Variants in OGDH observed in about 807,000 individuals in gnomAD.
OGDH encodes 2-oxoglutarate dehydrogenase complex component E1.
OGDH carries 38 observed loss-of-function variants against 116.6 expected under a neutral mutation model. The ratio of observed to expected loss-of-function variants is 0.33; its 90% CI spans 0.25 to 0.43. The LOEUF is 0.43. Among genes scored for constraint, OGDH ranks in the 20% least tolerant of loss-of-function variants. The pLI, the probability that OGDH is intolerant of heterozygous loss-of-function variation, is 1.00. For missense variants in OGDH, 825 were observed against 1,357.2 expected (o/e 0.61, Z 6.16); for synonymous variants, 488 against 533.3 (o/e 0.92, Z 1.17).
chr7:44,622,081 A>C (rs1394614220), intron 1 of OGDH, among the ~76,000 whole-genome samples: 1 of 152,202 alleles, frequency 6.6e-6, no homozygotes, highest in Non-Finnish European at 1.5e-5. Context: ...CTGAATACTG[A>C]TAGTTAATGA....
chr7:44,708,236 G>T lies in OGDH; in HGVS notation c.*237G>T, dbSNP rs958319364. 8 of 506,994 alleles carry T rather than the reference G, an allele frequency of 1.6e-5. No homozygotes were observed. Among genetic ancestry groups the T allele is most frequent in the Admixed American group, 1.1e-4 (3 of 26,612 alleles). The allele number at this position is 506,994 out of a possible 1,614,324, so 31.4% of individuals were successfully genotyped here. A position where few individuals can be genotyped will look rare whatever the true frequency, so the allele number is the denominator to read the frequency against. On this transcript the variant is annotated 3_prime_UTR_variant, in exon 23 of 23. Transcript: ENST00000222673. ...TTCTGAGCAGTTTTCCAGGAGGCCG[G>T]GGGGAGCAGGAGGAGGAAAGGTAGC...
intron 12 of OGDH, among the ~76,000 whole-genome samples, chr7:44,695,092 T>G (rs564555991): frequency 1.4e-4 from 22 of 152,096 alleles, no homozygotes; most frequent in South Asian, 4.2e-4. Context: ...ACCAGTTTTT[T>G]TTTTGTTTTG....
intron 1 of OGDH, among the ~76,000 whole-genome samples, chr7:44,608,355 C>T (rs1386478391): frequency 6.6e-6 from 1 of 151,764 alleles, no homozygotes; most frequent in East Asian, 1.9e-4. Flanking sequence ...CTGCAGTGAG[C>T]CATTATTGCC....
At chr7:44,643,833 T>C (rs1786054714) in intron 2 of OGDH, among the ~76,000 whole-genome samples, 1 of 152,228 alleles carries the variant, frequency 6.6e-6, no homozygotes, top group Non-Finnish European at 1.5e-5. Flanking sequence ...GACAGTCTTA[T>C]CAGAGTTTAT....
rs1183571916 is a variant in OGDH at position 44,616,777 on chromosome 7, G to GTATATATACACA, written c.-27-7535_-27-7534insATACACATATAT. 2.9e-5 allele frequency among the ~76,000 whole-genome samples: 4 copies of GTATATATACACA among 136,840 alleles called. No homozygotes were observed. In the East Asian group the frequency reaches 6.6e-4, roughly 23 times the overall value. The allele number at this position is 136,840 out of a possible 152,430, so 89.8% of individuals were successfully genotyped here. A position where few individuals can be genotyped will look rare whatever the true frequency, so the allele number is the denominator to read the frequency against. On this transcript the variant is annotated intron_variant, in intron 1 of 22. Transcript: ENST00000222673. Reference sequence around the variant, plus strand: ...TGTGTATATATATACACGTATATGTGTATATGCATATATATATGTGTATAT... The same window carrying GTATATATACACA: ...TGTGTATATATATACACGTATATGTGTATATATACACATATATGCATATATATATGTGTATAT...
At position 44,681,827 on chromosome 7, in the gene OGDH, G is replaced by C. The variant is rs761767657; in HGVS notation, c.1314G>C (p.Val438=). ...CATCCTACACAACTCATGGCACCGT[G>C]CACGTGGTCGTCAACAACCAGGTAC... ...DLPSYTTHGT[V]HVVVNNQIGF... The change falls in exon 10 of 23, where the codon GTG becomes GTC. Residue 438 remains valine (V), a synonymous_variant. Transcript: ENST00000222673. 3 of 1,614,058 alleles carry C rather than the reference G, an allele frequency of 1.9e-6. No individual in the cohort carries two copies. The highest frequency in any genetic ancestry group is 2.5e-6 in the Non-Finnish European group (3 of 1,180,042).
chr7:44,662,236 T>G (rs573488455), intron 4 of OGDH, among the ~76,000 whole-genome samples: 3 of 152,220 alleles, frequency 2.0e-5, no homozygotes, highest in African/African-American at 7.2e-5. Context: ...GTTCCAAGAT[T>G]CCTTCTTTTA....
chr7:44,634,952 A>C (rs1785599103), intron 2 of OGDH, among the ~76,000 whole-genome samples: 1 of 152,208 alleles, frequency 6.6e-6, no homozygotes, highest in African/African-American at 2.4e-5. Context: ...TTGGACATAC[A>C]GGGTAGTCAC....
At chr7:44,660,466 G>T (rs1786886681) in intron 4 of OGDH, among the ~76,000 whole-genome samples, 2 of 152,108 alleles carry the variant, frequency 1.3e-5, no homozygotes, top group South Asian at 2.1e-4. Flanking sequence ...TTGCTTTCTA[G>T]TTTGATTTCA....
intron 10 of OGDH, among the ~76,000 whole-genome samples, chr7:44,682,159 C>T (rs1189342581): frequency 1.3e-5 from 2 of 152,168 alleles, no homozygotes; most frequent in South Asian, 4.2e-4. Context: ...CTTTGGGAGG[C>T]CGAGGCAGGT....
chr7:44,623,869 C>T lies in OGDH; in HGVS notation c.-27-448C>T, dbSNP rs183657360. The stretch of plus-strand genomic sequence containing the variant: ...CCATGTTGGCCAGGATGGTCTTGAT[C>T]TCCTGACCTCGTGATCCACCCGCCT... On this transcript the variant is annotated intron_variant, in intron 1 of 22. Coordinates refer to ENST00000222673, the MANE Select transcript of OGDH (RefSeq NM_002541.4). Among the ~76,000 whole-genome samples, 59 of 152,310 alleles carry T rather than the reference C, an allele frequency of 3.9e-4. No individual in the cohort carries two copies. In the East Asian group the frequency reaches 0.011, roughly 27 times the overall value.
At chr7:44,626,427 T>C (rs777561446) in intron 2 of OGDH, among the ~76,000 whole-genome samples, 1 of 152,194 alleles carries the variant, frequency 6.6e-6, no homozygotes, top group Non-Finnish European at 1.5e-5. Flanking sequence ...AGGACTATTA[T>C]GTGCCCAGGC....
In OGDH at chr7:44,708,071, A is replaced by G; in HGVS notation, c.*72A>G. 2 of 1,561,480 alleles carry G rather than the reference A, an allele frequency of 1.3e-6. No individual in the cohort carries two copies. Among genetic ancestry groups the G allele is most frequent in the East Asian group, 2.2e-5 (1 of 44,546 alleles). ...CTGCCCCTTGCTTCTCAACTAAAGA[A>G]TAGTGCCTCAGCGCTGCCCACACCA... On this transcript the variant is annotated 3_prime_UTR_variant, in exon 23 of 23. Coordinates refer to ENST00000222673, the MANE Select transcript of OGDH (RefSeq NM_002541.4).
At chr7:44,613,484 C>T (rs1375916263) in intron 1 of OGDH, among the ~76,000 whole-genome samples, 1 of 152,122 alleles carries the variant, frequency 6.6e-6, no homozygotes, top group African/African-American at 2.4e-5. Context: ...CTCAGTCTCC[C>T]GAGTAGCTGG....
At chr7:44,634,926 A>G (rs766529021) in intron 2 of OGDH, among the ~76,000 whole-genome samples, 42 of 152,334 alleles carry the variant, frequency 2.8e-4, no homozygotes, top group South Asian at 6.2e-4. Flanking sequence ...AGTCTCCCCA[A>G]TAGGGAGTAC....
At chr7:44,632,802 T>G (rs950541692) in intron 2 of OGDH, among the ~76,000 whole-genome samples, 3 of 151,940 alleles carry the variant, frequency 2.0e-5, no homozygotes, top group Admixed American at 6.5e-5. Flanking sequence ...GTATTTTTAG[T>G]AGAGACGGGG....
chr7:44,613,112 G>A (rs1274427571), intron 1 of OGDH, among the ~76,000 whole-genome samples: 4 of 151,338 alleles, frequency 2.6e-5, no homozygotes, highest in Non-Finnish European at 2.9e-5. Flanking sequence ...TCCTGACCTC[G>A]TGATCCACTT....
At chr7:44,658,045 A>C (rs1351397396) in intron 4 of OGDH, among the ~76,000 whole-genome samples, 1 of 152,198 alleles carries the variant, frequency 6.6e-6, no homozygotes, top group Non-Finnish European at 1.5e-5. Flanking sequence ...TGTAGCTACT[A>C]AACTTTATTT....
At chr7:44,682,930 T>C (rs1000883756) in intron 10 of OGDH, among the ~76,000 whole-genome samples, 1 of 151,852 alleles carries the variant, frequency 6.6e-6, no homozygotes, top group Admixed American at 6.6e-5. Context: ...AGACGGATCA[T>C]GAGGTCAAGA....
Sources: allele counts gnomAD v4.1 joint callset (sites outside exome capture counted in the v4.1 genomes callset), GRCh38; gene constraint gnomAD v4.1.1; transcripts MANE v1.5; gene names NCBI Gene and HGNC (gene_info 2026-07-23, HGNC 2026-07-21).